Variants in ABHD18 observed in about 807,000 individuals in gnomAD.
ABHD18 encodes cardiolipin-specific deacylase, mitochondrial.
ABHD18 carries 55 observed loss-of-function variants against 65.9 expected under a neutral mutation model. The ratio of observed to expected loss-of-function variants is 0.84; its 90% CI spans 0.67 to 1.05. ABHD18 has a LOEUF of 1.05. Among genes scored for constraint, ABHD18 ranks in the 50% least tolerant of loss-of-function variants. The pLI is 0.00. For synonymous variants in ABHD18, 181 were observed against 180.2 expected, an observed-to-expected ratio of 1.00 and a Z score of -0.04; for missense variants, 533 against 558.5, an observed-to-expected ratio of 0.95 and a Z score of 0.46.
intron 3 of ABHD18, among the ~76,000 whole-genome samples, chr4:127,989,243 G>A (rs1251527638): frequency 6.6e-6 from 1 of 152,114 alleles, no homozygotes; most frequent in East Asian, 1.9e-4. Flanking sequence ...AACTCATGAA[G>A]AATAGATTGA....
chr4:128,029,639 C>A (rs1757926525), intron 11 of ABHD18, among the ~76,000 whole-genome samples: 1 of 152,150 alleles, frequency 6.6e-6, no homozygotes, highest in Non-Finnish European at 1.5e-5. Flanking sequence ...TCCTGGCCAA[C>A]ATGGTGAAAC....
At chr4:128,017,554 T>C (rs1755737705) in intron 8 of ABHD18, 53 bp downstream of exon 8, 20 of 1,469,824 alleles carry the variant, frequency 1.4e-5, no homozygotes, top group Middle Eastern at 1.8e-4. Flanking sequence ...TTGTAAGATC[T>C]AGAGAACCTG....
At chr4:127,979,378 AC>A (rs1247259635) in intron 1 of ABHD18, among the ~76,000 whole-genome samples, 3 of 152,046 alleles carry the variant, frequency 2.0e-5, no homozygotes, top group African/African-American at 7.3e-5. Flanking sequence ...ACATGGTGAA[AC>A]CCCGTCTCTA....
At position 128,035,711 on chromosome 4, in the gene ABHD18, T is replaced by C. The variant is rs2149204426; in HGVS notation, c.1344-51T>C. On this transcript the variant is annotated intron_variant, in intron 12 of 12. Coordinates refer to ENST00000645843, the MANE Select transcript of ABHD18 (RefSeq NM_001358451.3). ...TAACTTACAGTAAAGGCATTGTTTG[T>C]CCCCCCTTTTTGTTAGTTACTTAGA... 6.5e-6 allele frequency: 7 copies of C among 1,071,250 alleles called. No individual in the cohort carries two copies. The South Asian group carries it at 8.9e-5, about 14-fold the overall frequency. The allele number at this position is 1,071,250 out of a possible 1,614,324, so 66.4% of individuals were successfully genotyped here.
At chr4:128,032,616 G>T (rs568954729) in intron 12 of ABHD18, among the ~76,000 whole-genome samples, 6 of 152,212 alleles carry the variant, frequency 3.9e-5, no homozygotes, top group East Asian at 3.9e-4. Context: ...AACCTGGGAG[G>T]TGGAGGTTGC....
intron 10 of ABHD18, among the ~76,000 whole-genome samples, chr4:128,027,207 G>A (rs1757496699): frequency 6.6e-6 from 1 of 152,080 alleles, no homozygotes; most frequent in East Asian, 1.9e-4. Context: ...ATACCATATA[G>A]CTTGGGTGTG....
chr4:128,026,857 C>A (rs1190844777), intron 10 of ABHD18, among the ~76,000 whole-genome samples: 1 of 150,902 alleles, frequency 6.6e-6, no homozygotes, highest in African/African-American at 2.4e-5. Context: ...ACAGTCTCTA[C>A]TCATTGTAAC....
At chr4:127,989,185 T>C (rs1237997617) in intron 3 of ABHD18, among the ~76,000 whole-genome samples, 4 of 152,142 alleles carry the variant, frequency 2.6e-5, no homozygotes, top group Non-Finnish European at 5.9e-5. Flanking sequence ...AAGGACAAAT[T>C]TCATGTGTTT....
intron 4 of ABHD18, among the ~76,000 whole-genome samples, chr4:128,000,336 G>A (rs772457907): frequency 6.6e-5 from 10 of 152,162 alleles, no homozygotes; most frequent in Non-Finnish European, 1.0e-4. Context: ...TCAATCTTCT[G>A]CATATGGCTA....
At chr4:127,992,821 G>A (rs1013554773) in intron 4 of ABHD18, among the ~76,000 whole-genome samples, 1 of 152,092 alleles carries the variant, frequency 6.6e-6, no homozygotes, top group Admixed American at 6.6e-5. Flanking sequence ...TGAGATTACA[G>A]ACTTGAGCCA....
chr4:127,969,323 T>C (rs1372814805), intron 1 of ABHD18, among the ~76,000 whole-genome samples: 1 of 151,244 alleles, frequency 6.6e-6, no homozygotes, highest in East Asian at 2.0e-4. Flanking sequence ...TGCCTCAACC[T>C]CCCAAGTAGC....
chr4:128,030,023 C>T (rs183781309), intron 11 of ABHD18, among the ~76,000 whole-genome samples: 7 of 151,986 alleles, frequency 4.6e-5, no homozygotes, highest in African/African-American at 1.4e-4. Flanking sequence ...AGTGTGGTGG[C>T]ATTCACCTGT....
chr4:128,021,259 C>A, intron 10 of ABHD18, 21 bp downstream of exon 10: 2 of 1,362,498 alleles, frequency 1.5e-6, no homozygotes, highest in South Asian at 1.3e-5. Context: ...CACTTTCCAC[C>A]CAACATTGGT....
chr4:128,021,208 A>C lies in ABHD18; in HGVS notation c.771A>C (p.Glu257Asp). ...KQYYTQTVYEEEIIHMLEYCG... is the reference protein window; with the variant it reads ...KQYYTQTVYEDEIIHMLEYCG... ...ATTATACCCAGACAGTTTATGAAGA[A>C]GAAATTATTCACATGCTTGAATACT... Residue 257 changes from glutamate to aspartate, a missense_variant, in exon 10 of 13, where the codon GAA becomes GAC. This residue lies in a region of ABHD18 where 309 missense variants were observed against 313.5 expected (regional missense o/e 0.99). Coordinates refer to ENST00000645843, the MANE Select transcript of ABHD18 (RefSeq NM_001358451.3). The C allele has an allele frequency of 6.5e-7, 1 of 1,547,054 alleles. No homozygotes were observed. Among genetic ancestry groups the C allele is most frequent in the Non-Finnish European group, 8.7e-7 (1 of 1,143,762 alleles).
chr4:127,981,400 T>G, intron 1 of ABHD18, among the ~76,000 whole-genome samples: 1 of 142,814 alleles, frequency 7.0e-6, no homozygotes, highest in East Asian at 2.0e-4. Context: ...TACTCTTATT[T>G]TGATAGTTAG....
intron 7 of ABHD18, 68 bp from the exon 8 acceptor site, chr4:128,017,295 G>T: frequency 6.8e-7 from 1 of 1,470,860 alleles, no homozygotes. Context: ...GCAGCCTGTT[G>T]TAAATTTGCA....
chr4:128,013,566 T>C (rs1003731484), intron 7 of ABHD18, among the ~76,000 whole-genome samples: 1 of 151,930 alleles, frequency 6.6e-6, no homozygotes, highest in Non-Finnish European at 1.5e-5. Context: ...GGCGTGGTGG[T>C]GGGCACCTGT....
At chr4:128,012,190 T>G (rs147051773) in intron 7 of ABHD18, among the ~76,000 whole-genome samples, 2 of 152,156 alleles carry the variant, frequency 1.3e-5, no homozygotes, top group Non-Finnish European at 2.9e-5. Context: ...TTGGTCAGGC[T>G]GGTCTCAAAC....
intron 4 of ABHD18, among the ~76,000 whole-genome samples, chr4:128,008,312 C>T (rs1276305920): frequency 1.5e-5 from 2 of 137,906 alleles, no homozygotes; most frequent in African/African-American, 2.7e-5. Flanking sequence ...CGCTCTGTCA[C>T]CCAGGCTGGA....
Sources: gnomAD v4.1 joint callset for allele counts (sites outside exome capture counted in the v4.1 genomes callset) on GRCh38, gnomAD v4.1.1 for gene constraint, gnomAD v4.1.1 regional missense constraint, MANE v1.5 for transcripts, NCBI Gene and HGNC (gene_info 2026-07-23, HGNC 2026-07-21) for gene names.